Variants in URI1 observed in about 807,000 individuals in gnomAD.
The protein encoded by URI1 is unconventional prefoldin RPB5 interactor 1.
In URI1, 39 loss-of-function variants were observed where a neutral mutation model predicts 60.2. That is an observed-to-expected ratio of 0.65 (90% CI 0.50 to 0.85). The LOEUF (loss-of-function observed/expected upper bound fraction) is 0.85, where lower values mean the gene tolerates loss of function less well. Among genes scored for constraint, URI1 ranks in the 40% least tolerant of loss-of-function variants. The pLI, the probability that URI1 is intolerant of heterozygous loss-of-function variation, is 0.00. For synonymous variants in URI1, 251 were observed against 236.8 expected (o/e 1.06, Z -0.55); for missense variants, 691 against 665.9 (o/e 1.04, Z -0.42).
Position 29,926,254 on chromosome 19 carries a change from TC to T in URI1, c.63+2502del, listed in dbSNP as rs2054865919. On this transcript the variant is annotated intron_variant, in intron 1 of 10. Coordinates refer to the URI1 transcript ENST00000360605. The stretch of plus-strand genomic sequence containing the variant: ...CTCTCTCCTTCCTTCCTTCCTTCCT[TC>T]CTTCCTTCCTTCCTTCCTTCCTTCC... Among the ~76,000 whole-genome samples, 37 of 140,908 alleles carry T rather than the reference TC, an allele frequency of 2.6e-4. No homozygotes were observed. The South Asian group carries it at 9.2e-3, about 35-fold the overall frequency. 92.4% of individuals were successfully genotyped at this position (140,908 alleles called of 152,430 possible). A position where few individuals can be genotyped will look rare whatever the true frequency, so the allele number is the denominator to read the frequency against.
intron 1 of URI1, among the ~76,000 whole-genome samples, chr19:29,926,648 C>G (rs2054870724): frequency 6.6e-6 from 1 of 152,154 alleles, no homozygotes; most frequent in Non-Finnish European, 1.5e-5. Context: ...TGAAAATTCG[C>G]TAAGGATTTG....
At chr19:29,937,372 T>G (rs1389421284), upstream of URI1, among the ~76,000 whole-genome samples, 1 of 152,232 alleles carries the variant, frequency 6.6e-6, no homozygotes, top group Non-Finnish European at 1.5e-5. Context: ...TGGGGATGGC[T>G]TCTATTGAAT....
At chr19:29,975,444 T>C (rs2055508541) in intron 2 of URI1, among the ~76,000 whole-genome samples, 1 of 151,882 alleles carries the variant, frequency 6.6e-6, no homozygotes, top group South Asian at 2.1e-4. Flanking sequence ...TATGAAAGGA[T>C]GTAAATGATG....
intron 1 of URI1, among the ~76,000 whole-genome samples, chr19:29,958,370 A>T (rs1403310766): frequency 1.3e-5 from 2 of 152,068 alleles, no homozygotes; most frequent in Non-Finnish European, 2.9e-5. Flanking sequence ...TTTTGTAGCT[A>T]CTCGTTATGA....
chr19:29,959,895 C>G lies in URI1; in HGVS notation c.118-11298C>G, dbSNP rs533367749. On this transcript the variant is annotated intron_variant, in intron 1 of 10. Coordinates refer to ENST00000392271, the MANE Select transcript of URI1 (RefSeq NM_003796.3). ...AGATTTTCCTTTGCCTGTAATTTTT[C>G]TAGCCCTTAGAGATGATGGTTGAGG... 1.1e-4 allele frequency among the ~76,000 whole-genome samples: 16 copies of G among 151,788 alleles called. 2 individuals are homozygous for G. The South Asian group carries it at 3.3e-3, about 32-fold the overall frequency.
chr19:29,996,835 C>T (rs2055818979), intron 4 of URI1, among the ~76,000 whole-genome samples: 1 of 151,200 alleles, frequency 6.6e-6, no homozygotes, highest in Non-Finnish European at 1.5e-5. Context: ...TGGATTTTGT[C>T]AAAGGCTTTT....
At chr19:29,981,481 A>AT (rs1178461704) in intron 2 of URI1, among the ~76,000 whole-genome samples, 1,724 of 142,850 alleles carry the variant, frequency 0.012, 30 homozygotes, top group African/African-American at 0.04. Context: ...GCTGCTGCCT[A>AT]TTTTTTTTTT....
Position 30,005,342 on chromosome 19 carries a change from G to A in URI1, c.368-19G>A, listed in dbSNP as rs2055927154. ...TATATATGCCATGCTTTACATAATGGTTGTGTTCATTGTTTCAGATGTAAG... is the reference window on the plus strand; with the variant it reads ...TATATATGCCATGCTTTACATAATGATTGTGTTCATTGTTTCAGATGTAAG... On this transcript the variant is annotated intron_variant, in intron 4 of 10. Coordinates refer to ENST00000392271, the MANE Select transcript of URI1 (RefSeq NM_003796.3). 2 of 1,420,444 alleles carry A rather than the reference G, an allele frequency of 1.4e-6. No homozygotes were observed. The highest frequency in any genetic ancestry group is 1.8e-4 in the Middle Eastern group (1 of 5,542). 88.0% of individuals were successfully genotyped at this position (1,420,444 alleles called of 1,614,324 possible).
intron 1 of URI1, among the ~76,000 whole-genome samples, chr19:29,943,188 TC>T (rs1431988729): frequency 5.3e-5 from 8 of 151,836 alleles, no homozygotes; most frequent in African/African-American, 1.9e-4. Flanking sequence ...CAAGCGATCC[TC>T]CCCCTCCTAC....
chr19:29,932,646 C>A (rs2054931901), intron 1 of URI1, among the ~76,000 whole-genome samples: 1 of 97,724 alleles, frequency 1.0e-5, no homozygotes. Context: ...GTTTTCCCCC[C>A]TTCATTCCTT....
chr19:29,971,346 C>G, intron 2 of URI1, 119 bp downstream of exon 2: 1 of 937,034 alleles, frequency 1.1e-6, no homozygotes, highest in Non-Finnish European at 1.7e-6. Flanking sequence ...TTGAATTCTT[C>G]TAGTAGTCTC....
At position 30,011,187 on chromosome 19, in the gene URI1, C is replaced by T; in HGVS notation, c.1129C>T (p.His377Tyr). 1.9e-6 allele frequency: 3 copies of T among 1,611,874 alleles called. No individual in the cohort carries two copies. The highest frequency in any genetic ancestry group is 2.5e-6 in the Non-Finnish European group (3 of 1,179,216). The change falls in exon 9 of 11, where the codon CAC (histidine) becomes TAC (tyrosine). Residue 377 changes from histidine (H) to tyrosine (Y), a missense_variant. His to Tyr is a moderately conservative substitution (Grantham distance 83). Transcript: ENST00000392271. ...RKRKNSTGSG[H>Y]SAQELPTIRT... ...ACGAAAGAACAGCACTGGCAGTGGC[C>T]ACTCTGCCCAGGAGCTGCCGACCAT... is the stretch of plus-strand genomic sequence containing the variant.
chr19:29,924,447 G>A (rs764322040), intron 1 of URI1, among the ~76,000 whole-genome samples: 24 of 152,148 alleles, frequency 1.6e-4, no homozygotes, highest in East Asian at 3.9e-4. Context: ...AAACAAACAC[G>A]TGCATTATAG....
At chr19:30,005,473 T>A (rs1442799356) in intron 5 of URI1, 21 bp downstream of exon 5, 7 of 1,548,564 alleles carry the variant, frequency 4.5e-6, no homozygotes, top group Non-Finnish European at 5.2e-6. Context: ...GTTTTTAGTC[T>A]TCTATATTTT....
intron 1 of URI1, among the ~76,000 whole-genome samples, chr19:29,947,228 A>G (rs75042724): frequency 0.016 from 2,510 of 152,332 alleles, 73 homozygotes; most frequent in African/African-American, 0.058. Flanking sequence ...GGCTGATCTT[A>G]AATTATATCC....
chr19:29,972,927 T>G (rs568897204), intron 2 of URI1, among the ~76,000 whole-genome samples: 98 of 152,256 alleles, frequency 6.4e-4, no homozygotes, highest in Middle Eastern at 3.4e-3. Flanking sequence ...TTTAAAAAAT[T>G]ATTTTTTTCC....
intron 3 of URI1, 69 bp downstream of exon 3, chr19:29,985,370 A>C: frequency 7.4e-7 from 1 of 1,354,954 alleles, no homozygotes; most frequent in African/African-American, 1.4e-5. Context: ...GTGTCGGTTC[A>C]CAGAATGTCA....
intron 1 of URI1, among the ~76,000 whole-genome samples, chr19:29,949,240 G>T (rs535429808): frequency 6.6e-6 from 1 of 150,378 alleles, no homozygotes; most frequent in Non-Finnish European, 1.5e-5. Context: ...AGACGGGGCG[G>T]CCGGGCAGAG....
Position 30,009,297 on chromosome 19 carries a change from G to A in URI1, c.979G>A (p.Val327Ile), listed in dbSNP as rs2055988877. ...DGDNDHEALG[V>I]GDNSIPTIYF... ...TGATAACGACCATGAGGCTTTAGGG[G>A]TTGGAGATAATTCTATACCAACAAT... The change falls in exon 8 of 11, where the codon GTT becomes ATT. Residue 327 changes from valine to isoleucine, a missense_variant. Coordinates refer to ENST00000392271, the MANE Select transcript of URI1 (RefSeq NM_003796.3). 1.2e-6 allele frequency: 2 copies of A among 1,614,000 alleles called. No homozygotes were observed. The highest frequency in any genetic ancestry group is 3.3e-5 in the Admixed American group (2 of 59,992).
Sources: allele counts gnomAD v4.1 joint callset (sites outside exome capture counted in the v4.1 genomes callset), GRCh38; gene constraint gnomAD v4.1.1; transcripts MANE v1.5; gene names NCBI Gene and HGNC (gene_info 2026-07-23, HGNC 2026-07-21).